Variants in MTRR observed in about 807,000 individuals in gnomAD.
The protein encoded by MTRR is methionine synthase reductase.
A neutral mutation model predicts 79.2 loss-of-function variants in MTRR; 63 were observed. The observed-to-expected ratio is 0.80, with a 90% CI of 0.65 to 0.98. The LOEUF (loss-of-function observed/expected upper bound fraction) is 0.98. Among genes scored for constraint, MTRR ranks in the 50% least tolerant of loss-of-function variants. The pLI is 0.00. For synonymous variants in MTRR, 355 were observed against 313.3 expected, an observed-to-expected ratio of 1.13 and a Z score of -1.41; for missense variants, 895 against 839.6, an observed-to-expected ratio of 1.07 and a Z score of -0.82.
chr5:7,870,685 G>C, intron 1 of MTRR, 85 bp from the exon 2 acceptor site: 3 of 1,448,024 alleles, frequency 2.1e-6, no homozygotes, highest in Non-Finnish European at 2.9e-6. Context: ...TTGTTGCATT[G>C]TTTCTTAAAG....
At chr5:7,863,287 T>C (rs1746685432) in intron 2 of MTRR, 2 of 349,990 alleles carry the variant, frequency 5.7e-6, no homozygotes, top group Admixed American at 9.7e-5. Context: ...GAGGAGAGAG[T>C]GAGAAGAAAC....
intron 2 of MTRR, chr5:7,862,804 A>G (rs749413940): frequency 1.3e-6 from 2 of 1,593,582 alleles, no homozygotes; most frequent in Non-Finnish European, 1.7e-6. Flanking sequence ...AAAACAACAA[A>G]ACTCCTTATA....
chr5:7,896,577 T>C, intron 12 of MTRR: 3 of 470,714 alleles, frequency 6.4e-6, no homozygotes, highest in South Asian at 2.3e-5. Flanking sequence ...ATTAATGTTA[T>C]TGAATGTAGA....
rs1212086831 is a variant in MTRR at position 7,900,856 on chromosome 5, C to G, written c.*798C>G. The stretch of plus-strand genomic sequence containing the variant: ...CTGCTTGGCACATTTTTGAGTTTTC[C>G]CACATTATTTGTCTCCATGATACCA... On this transcript the variant is annotated 3_prime_UTR_variant, in exon 15 of 15. Coordinates refer to ENST00000440940, the MANE Select transcript of MTRR (RefSeq NM_002454.3). 7.0e-6 allele frequency: 1 copy of G among 142,046 alleles called. No individual in the cohort carries two copies. Among genetic ancestry groups the G allele is most frequent in the African/African-American group, 2.6e-5 (1 of 38,886 alleles). 8.8% of individuals were successfully genotyped at this position (142,046 alleles called of 1,614,324 possible).
chr5:7,897,306 G>GA lies in MTRR; in HGVS notation c.1952+66dup. 5 of 1,554,490 alleles carry GA rather than the reference G, an allele frequency of 3.2e-6. No individual in the cohort carries two copies. The South Asian group carries it at 4.5e-5, about 14-fold the overall frequency. On this transcript the variant is annotated intron_variant, in intron 14 of 14. Transcript: ENST00000440940. ...AGGGCCATCAGTGATGTCTGTAGAA[G>GA]AAAAAAAGGACCGAGAAGCCAATAA...
At chr5:7,868,470 A>C (rs898416653), upstream of MTRR, among the ~76,000 whole-genome samples, 7 of 152,216 alleles carry the variant, frequency 4.6e-5, no homozygotes, top group African/African-American at 1.4e-4. Flanking sequence ...CAGGCAATGT[A>C]GCTCTTAAGG....
chr5:7,889,339 C>G, intron 9 of MTRR, 64 bp downstream of exon 9: 1 of 1,588,246 alleles, frequency 6.3e-7, no homozygotes, highest in Non-Finnish European at 8.6e-7. Context: ...GGCCACCTTT[C>G]TGTAGTAAAG....
chr5:7,878,957 T>C (rs189221287), intron 5 of MTRR, among the ~76,000 whole-genome samples: 24 of 152,328 alleles, frequency 1.6e-4, no homozygotes, highest in Admixed American at 3.3e-4. Flanking sequence ...CTATTACCAG[T>C]TTTAATTTCT....
intron 2 of MTRR, 82 bp downstream of exon 2, chr5:7,871,005 C>A: frequency 6.9e-7 from 1 of 1,450,468 alleles, no homozygotes; most frequent in Non-Finnish European, 9.7e-7. Flanking sequence ...AACAAAAGGA[C>A]ACTAATACCA....
upstream of MTRR, chr5:7,866,708 T>C (rs16879259): frequency 0.041 from 65,931 of 1,611,430 alleles, 2,467 homozygotes; most frequent in East Asian, 0.19. Flanking sequence ...TGGATGGCAT[T>C]CATTAAGTGA....
intron 5 of MTRR, among the ~76,000 whole-genome samples, chr5:7,880,132 TGCATAGG>T (rs1326963815): frequency 1.0e-4 from 15 of 148,010 alleles, no homozygotes; most frequent in Admixed American, 1.0e-3. Context: ...GCCCTTTAAT[TGCATAGG>T]GCATGGGTCT....
At chr5:7,863,995 G>A (rs372337053) in intron 2 of MTRR, among the ~76,000 whole-genome samples, 7 of 152,070 alleles carry the variant, frequency 4.6e-5, no homozygotes, top group South Asian at 2.1e-4. Context: ...GACTACAGGC[G>A]TGTGCCATCA....
At chr5:7,851,273 G>T (rs539389406) in exon 1 of MTRR, 4 of 386,198 alleles carry the variant, frequency 1.0e-5, no homozygotes, top group Non-Finnish European at 1.8e-5. Flanking sequence ...CTTCCTCCTC[G>T]GGAGGAGCCC....
intron 1 of MTRR, chr5:7,861,783 A>G: frequency 1.4e-6 from 2 of 1,437,722 alleles, no homozygotes; most frequent in Non-Finnish European, 1.8e-6. Context: ...GCTGCAAAGT[A>G]ATGACCACAA....
chr5:7,857,536 G>A (rs1410034710), intron 1 of MTRR, among the ~76,000 whole-genome samples: 2 of 152,108 alleles, frequency 1.3e-5, no homozygotes, highest in Non-Finnish European at 2.9e-5. Flanking sequence ...TGACAATTGC[G>A]CCCCTAGACC....
intron 14 of MTRR, 65 bp from the exon 15 acceptor site, chr5:7,899,849 G>C: frequency 6.3e-7 from 1 of 1,588,032 alleles, no homozygotes; most frequent in Admixed American, 1.7e-5. Context: ...TTAGACTTGT[G>C]AATTAAGGAG....
intron 1 of MTRR, among the ~76,000 whole-genome samples, chr5:7,858,915 CTAAA>C (rs1193604177): frequency 1.3e-5 from 2 of 152,022 alleles, no homozygotes; most frequent in Admixed American, 6.6e-5. Flanking sequence ...TTCCATTTCT[CTAAA>C]TATTTATTAA....
intron 5 of MTRR, among the ~76,000 whole-genome samples, chr5:7,879,249 C>G (rs1254850155): frequency 1.3e-5 from 2 of 152,052 alleles, no homozygotes. Flanking sequence ...CAACTTATGC[C>G]TGGACTGGTG....
intron 3 of MTRR, among the ~76,000 whole-genome samples, chr5:7,873,765 T>C (rs1353043526): frequency 6.6e-6 from 1 of 152,220 alleles, no homozygotes; most frequent in Admixed American, 6.5e-5. Flanking sequence ...AGGATGCACC[T>C]CAGATGCAGC....
Sources: gnomAD v4.1 joint callset for allele counts (sites outside exome capture counted in the v4.1 genomes callset) on GRCh38, gnomAD v4.1.1 for gene constraint, MANE v1.5 for transcripts, NCBI Gene and HGNC (gene_info 2026-07-23, HGNC 2026-07-21) for gene names.